Variants in CDKN2B-AS1 observed in about 807,000 individuals in gnomAD.
The protein encoded by CDKN2B-AS1 is CDKN2B and CDKN2A antisense cis and trans regulatory RNA 1, also known as CDKN2B antisense RNA 1 (non-protein coding).
chr9:22,015,045 T>C (rs1821679313), intron 1 of CDKN2B-AS1, among the ~76,000 whole-genome samples: 1 of 152,042 alleles, frequency 6.6e-6, no homozygotes, highest in Non-Finnish European at 1.5e-5. Context: ...GTCTTTGCTA[T>C]TGTGAATAGT....
At chr9:22,049,961 G>A (rs1233870590) in intron 3 of CDKN2B-AS1, among the ~76,000 whole-genome samples, 1 of 152,058 alleles carries the variant, frequency 6.6e-6, no homozygotes, top group Non-Finnish European at 1.5e-5. Context: ...AGGACTTGCA[G>A]AATTAAAAAT....
intron 4 of CDKN2B-AS1, among the ~76,000 whole-genome samples, chr9:22,072,721 G>C (rs955008382): frequency 2.0e-5 from 3 of 152,172 alleles, no homozygotes; most frequent in Non-Finnish European, 2.9e-5. Context: ...AGGAGCACAA[G>C]GCAGCCTAAC....
rs541528768 is a variant in CDKN2B-AS1, at chr9:22,107,424, A to G, written n.439-19679A>G. ...AGCCTTTGCACTCTCAGTCTAGACT[A>G]AAAACAAACAAAGCAGCCTCCTCTG... On this transcript the variant is annotated intron_variant and non_coding_transcript_variant, in intron 4 of 4. Transcript: ENST00000650946. Among the ~76,000 whole-genome samples the G allele has an allele frequency of 4.6e-5, 7 of 152,318 alleles. 1 individual carries two copies. In the South Asian group the frequency reaches 1.4e-3, roughly 32 times the overall value.
intron 4 of CDKN2B-AS1, among the ~76,000 whole-genome samples, chr9:22,066,665 A>C (rs532085527): frequency 5.3e-4 from 81 of 152,176 alleles, no homozygotes; most frequent in Admixed American, 1.2e-3. Flanking sequence ...AACATAAAAT[A>C]GCAAAGAGAT....
intron 1 of CDKN2B-AS1, among the ~76,000 whole-genome samples, chr9:22,024,214 T>TTCACCTCCCAA (rs1822132767): frequency 6.6e-6 from 1 of 152,212 alleles, no homozygotes; most frequent in African/African-American, 2.4e-5. Context: ...GGGGCCATCG[T>TTCACCTCCCAA]TCACCTCCCA....
chr9:22,083,831 C>T (rs925212385), intron 4 of CDKN2B-AS1, among the ~76,000 whole-genome samples: 8 of 152,090 alleles, frequency 5.3e-5, no homozygotes, highest in African/African-American at 1.9e-4. Flanking sequence ...TAGAGTCTAA[C>T]GCTTAGAACA....
At chr9:22,026,663 G>A (rs1020614472) in intron 1 of CDKN2B-AS1, among the ~76,000 whole-genome samples, 2 of 152,182 alleles carry the variant, frequency 1.3e-5, no homozygotes, top group African/African-American at 4.8e-5. Context: ...TCTGGGGTAT[G>A]TATGGGAGTC....
At chr9:22,123,768 G>A (rs533037371) in intron 4 of CDKN2B-AS1, among the ~76,000 whole-genome samples, 2 of 152,262 alleles carry the variant, frequency 1.3e-5, no homozygotes, top group South Asian at 2.1e-4. Flanking sequence ...CCAGGGGACA[G>A]AAATAGGACA....
At chr9:22,063,579 G>A (rs1823911372) in intron 4 of CDKN2B-AS1, among the ~76,000 whole-genome samples, 1 of 152,196 alleles carries the variant, frequency 6.6e-6, no homozygotes, top group Non-Finnish European at 1.5e-5. Flanking sequence ...AGCCTTGTAG[G>A]TACCAAGATT....
Position 22,006,051 on chromosome 9 carries a change from T to G in CDKN2B-AS1, n.29+10890T>G. On this transcript the variant is annotated intron_variant and non_coding_transcript_variant, in intron 1 of 4. Coordinates refer to ENST00000650946, the Ensembl canonical transcript of CDKN2B-AS1. This position sits in a 1 kb window ranked among gnomAD's most constrained non-coding sequence, Gnocchi z 6.4. ...GCGGTGGCCCCGCTCCTCGGCCAAGTCCACGGGCAGACGACCCCAGGCATC... is the reference window on the plus strand; with the variant it reads ...GCGGTGGCCCCGCTCCTCGGCCAAGGCCACGGGCAGACGACCCCAGGCATC... 6 of 1,605,468 alleles carry G rather than the reference T, an allele frequency of 3.7e-6. No homozygotes were observed. The highest frequency in any genetic ancestry group is 5.1e-6 in the Non-Finnish European group (6 of 1,179,608).
chr9:22,018,450 C>T (rs911560324), intron 1 of CDKN2B-AS1, among the ~76,000 whole-genome samples: 8 of 151,732 alleles, frequency 5.3e-5, no homozygotes, highest in African/African-American at 1.9e-4. Context: ...CTGAGGTCAG[C>T]AGTTCAGACC....
intron 1 of CDKN2B-AS1, among the ~76,000 whole-genome samples, chr9:22,020,516 T>C (rs60490000): frequency 0.032 from 4,908 of 152,288 alleles, 233 homozygotes; most frequent in African/African-American, 0.11. Context: ...TGTTCCTTTT[T>C]CTCCACTACC....
intron 4 of CDKN2B-AS1, among the ~76,000 whole-genome samples, chr9:22,061,521 C>G (rs148455099): frequency 2.2e-4 from 34 of 152,208 alleles, no homozygotes; most frequent in Non-Finnish European, 4.0e-4. Context: ...ATGTGTCTGA[C>G]TGACATTTAA....
intron 4 of CDKN2B-AS1, among the ~76,000 whole-genome samples, chr9:22,126,574 C>CTTTTTTTTTTTTTTTTTTTT (rs34700018): frequency 5.7e-5 from 6 of 104,880 alleles, no homozygotes; most frequent in African/African-American, 2.4e-4. Context: ...TAAGTGGATT[C>CTTTTTTTTTTTTTTTTTTTT]TTTTTTTTTT....
At chr9:22,052,800 A>G (rs1305393329) in intron 3 of CDKN2B-AS1, among the ~76,000 whole-genome samples, 2 of 152,250 alleles carry the variant, frequency 1.3e-5, no homozygotes, top group African/African-American at 2.4e-5. Flanking sequence ...AAATGAAGTG[A>G]CTAATCTTTT....
intron 4 of CDKN2B-AS1, among the ~76,000 whole-genome samples, chr9:22,122,936 G>A (rs764832160): frequency 1.5e-4 from 23 of 152,014 alleles, no homozygotes; most frequent in African/African-American, 2.2e-4. Flanking sequence ...TGTGAAGAAC[G>A]TCATTAGTAT....
chr9:22,076,742 G>C (rs750766365), intron 4 of CDKN2B-AS1, among the ~76,000 whole-genome samples: 5 of 152,134 alleles, frequency 3.3e-5, no homozygotes, highest in Non-Finnish European at 7.4e-5. Flanking sequence ...ACCCAGGCTG[G>C]AGTGCAGTGG....
intron 1 of CDKN2B-AS1, among the ~76,000 whole-genome samples, chr9:22,035,142 A>T (rs1028158157): frequency 1.5e-4 from 23 of 152,142 alleles, no homozygotes; most frequent in Admixed American, 8.5e-4. Context: ...TATTATTTTA[A>T]ACATTTATCT....
At chr9:22,102,420 TAC>T (rs1825517013) in intron 4 of CDKN2B-AS1, among the ~76,000 whole-genome samples, 1 of 152,180 alleles carries the variant, frequency 6.6e-6, no homozygotes, top group Admixed American at 6.5e-5. Flanking sequence ...GAAATGTATT[TAC>T]AGTTTGGAGG....
Sources: gnomAD v4.1 joint callset for allele counts (sites outside exome capture counted in the v4.1 genomes callset) on GRCh38, gnomAD v4.1.1 for gene constraint, Gnocchi (gnomAD v3.1) non-coding constraint, MANE v1.5 for transcripts, NCBI Gene and HGNC (gene_info 2026-07-23, HGNC 2026-07-21) for gene names.